SUSD4: variants seen among roughly 807,000 people sequenced by gnomAD.
The protein encoded by SUSD4 is sushi domain containing 4.
Under a neutral mutation model 50.5 loss-of-function variants are expected in SUSD4, and 41 were observed. That is an observed-to-expected ratio of 0.81 (90% CI 0.63 to 1.05). The LOEUF (loss-of-function observed/expected upper bound fraction) is 1.05. Ranked by LOEUF, SUSD4 falls within the 50% of genes least tolerant of loss-of-function variation. SUSD4 has a pLI of 0.00. For synonymous variants in SUSD4, 257 were observed against 257.3 expected (o/e 1.00, Z 0.01); for missense variants, 580 against 634.7 (o/e 0.91, Z 0.93).
intron 5 of SUSD4, among the ~76,000 whole-genome samples, chr1:223,254,456 G>A (rs1334817199): frequency 3.3e-5 from 5 of 152,178 alleles, no homozygotes; most frequent in African/African-American, 7.2e-5. Context: ...AAGGCTAAAA[G>A]GAAGGCAAGG....
At chr1:223,272,160 G>A (rs1229723478) in intron 3 of SUSD4, among the ~76,000 whole-genome samples, 1 of 152,184 alleles carries the variant, frequency 6.6e-6, no homozygotes, top group Non-Finnish European at 1.5e-5. Context: ...CTGGGAGGTG[G>A]GGGTTGCAGT....
Position 223,333,715 on chromosome 1 carries a change from G to C in SUSD4, c.148+29563C>G, listed in dbSNP as rs544527436. ...ATTGGAAGCACCAGGTTCTGCAGAG[G>C]TGGGGAGGGGTGCAGGGCTGAAAGC... On this transcript the variant is annotated intron_variant, in intron 2 of 8. Transcript: ENST00000366878. Among the ~76,000 whole-genome samples the C allele has an allele frequency of 7.9e-5, 12 of 152,288 alleles. No homozygotes were observed. In the South Asian group the frequency reaches 2.3e-3, roughly 29 times the overall value.
At chr1:223,263,364 A>C (rs1558192720) in intron 5 of SUSD4, among the ~76,000 whole-genome samples, 1 of 152,242 alleles carries the variant, frequency 6.6e-6, no homozygotes, top group Non-Finnish European at 1.5e-5. Flanking sequence ...TGAATTTCAG[A>C]TAAGGAAAGA....
At chr1:223,275,894 A>G (rs17517806) in intron 3 of SUSD4, among the ~76,000 whole-genome samples, 127,199 of 152,236 alleles carry the variant, frequency 0.84, 53,669 homozygotes, top group African/African-American at 0.96. Flanking sequence ...TAATAAAGAA[A>G]AACAGAACCT....
At chr1:223,232,521 T>C (rs1254825964) in intron 5 of SUSD4, among the ~76,000 whole-genome samples, 4 of 152,330 alleles carry the variant, frequency 2.6e-5, no homozygotes, top group Non-Finnish European at 4.4e-5. Context: ...AAAACTCTTT[T>C]CAAAGCACAG....
chr1:223,337,669 G>A (rs1367003425), intron 2 of SUSD4, among the ~76,000 whole-genome samples: 5 of 152,270 alleles, frequency 3.3e-5, no homozygotes, highest in South Asian at 2.1e-4. Flanking sequence ...GTACCAAATC[G>A]TCAGGACACA....
In SUSD4 at chr1:223,229,119, G is replaced by A. The variant is rs144588389; in HGVS notation, c.916+78C>T. ...GGTGGGGGAGGAGAGATACAGCTTG[G>A]TACATAACCACCACCCACTATGTGC... On this transcript the variant is annotated intron_variant, in intron 6 of 8. Coordinates refer to ENST00000366878, the MANE Select transcript of SUSD4 (RefSeq NM_017982.4). The surrounding 1 kb of genome is among the most constrained non-coding windows in gnomAD (Gnocchi z 4.7). The A allele has an allele frequency of 2.4e-4, 345 of 1,418,372 alleles. 1 individual carries two copies. In the East Asian group the frequency reaches 7.6e-3, roughly 31 times the overall value. 87.9% of individuals were successfully genotyped at this position (1,418,372 alleles called of 1,614,324 possible).
chr1:223,278,493 G>A (rs1663444076), intron 3 of SUSD4, among the ~76,000 whole-genome samples: 1 of 152,226 alleles, frequency 6.6e-6, no homozygotes, highest in Non-Finnish European at 1.5e-5. Context: ...AGATCGAACT[G>A]CAAGGCAGCA....
chr1:223,328,781 T>G (rs1572071422), intron 2 of SUSD4, among the ~76,000 whole-genome samples: 1 of 152,184 alleles, frequency 6.6e-6, no homozygotes, highest in Non-Finnish European at 1.5e-5. Context: ...CCTTGGCTGG[T>G]AGACCAGCTG....
At chr1:223,252,290 G>A (rs941055969) in intron 5 of SUSD4, among the ~76,000 whole-genome samples, 2 of 149,634 alleles carry the variant, frequency 1.3e-5, no homozygotes, top group African/African-American at 2.5e-5. Flanking sequence ...GAGGGAAGAC[G>A]GCCATGTGAA....
At chr1:223,303,677 T>C (rs1041103966) in intron 2 of SUSD4, among the ~76,000 whole-genome samples, 1 of 152,108 alleles carries the variant, frequency 6.6e-6, no homozygotes, top group African/African-American at 2.4e-5. Context: ...CACCTTCTGG[T>C]CCCATGAGCC....
chr1:223,222,040 C>A lies in SUSD4; in HGVS notation c.*152G>T, dbSNP rs1406389403. Reference sequence around the variant, plus strand: ...CTGCCATTGCAGTTTGTCAGCCTCACTGTGGAGCCTGAGATGCATAATGTG... The same window carrying A: ...CTGCCATTGCAGTTTGTCAGCCTCAATGTGGAGCCTGAGATGCATAATGTG... On this transcript the variant is annotated 3_prime_UTR_variant, in exon 9 of 9. Coordinates refer to ENST00000366878, the MANE Select transcript of SUSD4 (RefSeq NM_017982.4). The A allele has an allele frequency of 4.2e-6, 3 of 708,448 alleles. No individual in the cohort carries two copies. Among genetic ancestry groups the A allele is most frequent in the Admixed American group, 5.3e-5 (2 of 37,978 alleles). The allele number at this position is 708,448 out of a possible 1,614,324, so 43.9% of individuals were successfully genotyped here. A position where few individuals can be genotyped will look rare whatever the true frequency, so the allele number is the denominator to read the frequency against.
At chr1:223,238,596 T>C (rs1660372493) in intron 5 of SUSD4, among the ~76,000 whole-genome samples, 1 of 152,040 alleles carries the variant, frequency 6.6e-6, no homozygotes, top group South Asian at 2.1e-4. Flanking sequence ...GATTTCTTCT[T>C]TGACTCATGT....
intron 3 of SUSD4, among the ~76,000 whole-genome samples, chr1:223,278,424 G>GCATGACTGGGAGGGTCCCACA (rs1263244550): frequency 6.6e-6 from 1 of 152,178 alleles, no homozygotes; most frequent in African/African-American, 2.4e-5. Context: ...TATATCCCAC[G>GCATGACTGGGAGGGTCCCACA]CATGACTGGG....
At chr1:223,341,913 C>A (rs1370012608) in intron 2 of SUSD4, among the ~76,000 whole-genome samples, 1 of 152,132 alleles carries the variant, frequency 6.6e-6, no homozygotes, top group Non-Finnish European at 1.5e-5. Flanking sequence ...AGTTAAGTAA[C>A]TTCTCGGGGC....
chr1:223,352,842 C>T (rs967324145), intron 2 of SUSD4, among the ~76,000 whole-genome samples: 6 of 152,136 alleles, frequency 3.9e-5, no homozygotes, highest in South Asian at 2.1e-4. Flanking sequence ...CCCATGGGGG[C>T]GAACTCACCA....
At chr1:223,364,388 C>A (rs1188249758), upstream of SUSD4, among the ~76,000 whole-genome samples, 1 of 145,032 alleles carries the variant, frequency 6.9e-6, no homozygotes, top group Non-Finnish European at 1.5e-5. This position sits in a 1 kb window ranked among gnomAD's most constrained non-coding sequence, Gnocchi z 4.5. Flanking sequence ...GGGGACGGGG[C>A]GAGGGGTGCG....
At chr1:223,245,691 C>T (rs1660875123) in intron 5 of SUSD4, among the ~76,000 whole-genome samples, 3 of 152,204 alleles carry the variant, frequency 2.0e-5, no homozygotes, top group Admixed American at 1.3e-4. Context: ...CAGGGATAGA[C>T]ATGGCAGGAC....
chr1:223,228,615 C>T (rs1324207057), intron 6 of SUSD4, among the ~76,000 whole-genome samples: 1 of 152,178 alleles, frequency 6.6e-6, no homozygotes. Flanking sequence ...TTGCTTTTAA[C>T]TATGAAGCCC....
Sources: allele counts gnomAD v4.1 joint callset (sites outside exome capture counted in the v4.1 genomes callset), GRCh38; gene constraint gnomAD v4.1.1; non-coding constraint Gnocchi (gnomAD v3.1); transcripts MANE v1.5; gene names NCBI Gene and HGNC (gene_info 2026-07-23, HGNC 2026-07-21).